The following CHRNA5 variants were observed in gnomAD, a reference collection of about 807,000 sequenced individuals.
CHRNA5 encodes neuronal acetylcholine receptor subunit alpha-5.
Under a neutral mutation model 41.2 loss-of-function variants are expected in CHRNA5, and 28 were observed. That is an observed-to-expected ratio of 0.68 (90% confidence interval 0.50 to 0.93). CHRNA5 has a LOEUF of 0.93. Ranked by LOEUF, CHRNA5 falls within the 40% of genes least tolerant of loss-of-function variation. The pLI is 0.00. For synonymous variants in CHRNA5, 188 were observed against 205.8 expected, an observed-to-expected ratio of 0.91 and a Z score of 0.74; for missense variants, 481 against 581.9, an observed-to-expected ratio of 0.83 and a Z score of 1.78.
At chr15:78,584,228 A>G (rs1036656440) in intron 2 of CHRNA5, among the ~76,000 whole-genome samples, 2 of 152,140 alleles carry the variant, frequency 1.3e-5, no homozygotes, top group Non-Finnish European at 2.9e-5. Context: ...CCGGAATCAT[A>G]TTTGGTGGAT....
At chr15:78,565,730 G>A in exon 1 of CHRNA5, 9 of 1,180,606 alleles carry the variant, frequency 7.6e-6, no homozygotes, top group Non-Finnish European at 9.4e-6. Context: ...ATGGCGGCGC[G>A]GGGGTCAGGG....
At chr15:78,577,764 C>G (rs987504925) in intron 1 of CHRNA5, among the ~76,000 whole-genome samples, 1 of 151,940 alleles carries the variant, frequency 6.6e-6, no homozygotes, top group African/African-American at 2.4e-5. Context: ...GAAACCCCAT[C>G]TCTACCAAAA....
Position 78,578,017 on chromosome 15 carries a change from AGAG to A in CHRNA5, c.107-2790_107-2788del, listed in dbSNP as rs765128322. On this transcript the variant is annotated intron_variant, in intron 1 of 5. Coordinates refer to ENST00000299565, the Ensembl canonical transcript of CHRNA5. ...TTTCAGGGACTATAGGAGGATTAGA[AGAG>A]GAGAAATGGTTCAATAATGCTATTT... Among the ~76,000 whole-genome samples, 191 of 152,262 alleles carry A rather than the reference AGAG, an allele frequency of 1.3e-3. 2 individuals carry two copies. The highest frequency in any genetic ancestry group is 1.8e-3 in the Non-Finnish European group (124 of 68,020).
chr15:78,592,975 A>G, intron 5 of CHRNA5, 117 bp from the exon 6 acceptor site: 1 of 1,242,472 alleles, frequency 8.0e-7, no homozygotes, highest in Non-Finnish European at 1.1e-6. Flanking sequence ...CTTACCGTTT[A>G]GAGGCAGCAA....
At chr15:78,581,651 A>T (rs7180002) in intron 2 of CHRNA5, among the ~76,000 whole-genome samples, 38,760 of 152,138 alleles carry the variant, frequency 0.25, 5,999 homozygotes, top group Middle Eastern at 0.41. Context: ...TACAGAAGCA[A>T]TGCGTGATTT....
intron 1 of CHRNA5, among the ~76,000 whole-genome samples, chr15:78,580,603 ATTGTAGT>A (rs1368156628): frequency 6.6e-6 from 1 of 151,658 alleles, no homozygotes; most frequent in Non-Finnish European, 1.5e-5. Context: ...AATAGCCTAA[ATTGTAGT>A]TTGGTTCATT....
exon 5 of CHRNA5, chr15:78,589,859 C>T (rs2052994455): frequency 1.9e-6 from 3 of 1,612,830 alleles, no homozygotes; most frequent in South Asian, 2.2e-5. Flanking sequence ...GGTACAATGG[C>T]ACTGTCACCT....
chr15:78,568,264 A>G (rs1360116732), intron 1 of CHRNA5, among the ~76,000 whole-genome samples: 1 of 152,174 alleles, frequency 6.6e-6, no homozygotes, highest in Non-Finnish European at 1.5e-5. Context: ...AGACAATTAA[A>G]GTATAATATA....
At chr15:78,594,573 G>T in exon 6 of CHRNA5, 1 of 152,404 alleles carries the variant, frequency 6.6e-6, no homozygotes. Flanking sequence ...AGCTACTCAA[G>T]AGGCTGAGGC....
Position 78,580,963 on chromosome 15 carries a change from G to A in CHRNA5, c.258+1G>A, listed in dbSNP as rs1211068988. The A allele has an allele frequency of 2.5e-6, 4 of 1,611,824 alleles. No individual in the cohort carries two copies. In the East Asian group the frequency reaches 6.7e-5, roughly 27 times the overall value. On this transcript the variant is annotated splice_donor_variant, in intron 2 of 5. Transcript: ENST00000299565. LOFTEE classifies it high-confidence loss of function. ...TGCAATATCTCAATTGGTGGATGTG[G>A]TAGGTGTGCATATCCTTCTATAGTC... is the stretch of plus-strand genomic sequence containing the variant.
intron 1 of CHRNA5, among the ~76,000 whole-genome samples, chr15:78,577,115 GCATT>G (rs931021812): frequency 2.6e-4 from 40 of 152,302 alleles, no homozygotes; most frequent in African/African-American, 8.2e-4. Context: ...CGGGGGTGTG[GCATT>G]CATTAAGTTA....
At chr15:78,568,199 C>T (rs931148898) in intron 1 of CHRNA5, among the ~76,000 whole-genome samples, 1 of 152,070 alleles carries the variant, frequency 6.6e-6, no homozygotes, top group Non-Finnish European at 1.5e-5. Flanking sequence ...TCTAGTCAGC[C>T]CGCAGCTATT....
At chr15:78,586,523 A>G in intron 2 of CHRNA5, 122 bp from the exon 3 acceptor site, 1 of 599,874 alleles carries the variant, frequency 1.7e-6, no homozygotes, top group South Asian at 2.6e-5. Flanking sequence ...AACCAGATTG[A>G]TGAATGAAAT....
exon 6 of CHRNA5, chr15:78,595,016 TCA>T (rs1176978127): frequency 6.6e-6 from 1 of 152,286 alleles, no homozygotes; most frequent in African/African-American, 2.4e-5. Flanking sequence ...GCTGTTGAGA[TCA>T]CAAACACCTC....
chr15:78,591,600 G>A (rs892368331), intron 5 of CHRNA5, among the ~76,000 whole-genome samples: 4 of 152,026 alleles, frequency 2.6e-5, no homozygotes, highest in Non-Finnish European at 4.4e-5. Flanking sequence ...GAATAAATCT[G>A]GCAAAATCAC....
chr15:78,578,491 AGT>A (rs2052879618), intron 1 of CHRNA5, among the ~76,000 whole-genome samples: 1 of 152,230 alleles, frequency 6.6e-6, no homozygotes, highest in African/African-American at 2.4e-5. Flanking sequence ...TGGGTGACAG[AGT>A]GAGACTCCGT....
chr15:78,585,062 G>C (rs2052946423), intron 2 of CHRNA5, among the ~76,000 whole-genome samples: 1 of 152,072 alleles, frequency 6.6e-6, no homozygotes, highest in Admixed American at 6.6e-5. Flanking sequence ...TGGGACTACA[G>C]GTGTGCCACC....
In CHRNA5 at chr15:78,586,634, A is replaced by G. The variant is rs1567060607; in HGVS notation, c.259-11A>G. The G allele has an allele frequency of 6.6e-7, 1 of 1,506,076 alleles. No individual in the cohort carries two copies. The highest frequency in any genetic ancestry group is 2.3e-5 in the East Asian group (1 of 44,156). The allele number at this position is 1,506,076 out of a possible 1,614,324, so 93.3% of individuals were successfully genotyped here. A position where few individuals can be genotyped will look rare whatever the true frequency, so the allele number is the denominator to read the frequency against. On this transcript the variant is annotated splice_polypyrimidine_tract_variant and intron_variant, in intron 2 of 5. Transcript: ENST00000299565. ...TGAAATCAATCTTATTTAAATTTTTATTTTTTAAAGGATGAGAAAAATCAG... is the reference window on the plus strand; with the variant it reads ...TGAAATCAATCTTATTTAAATTTTTGTTTTTTAAAGGATGAGAAAAATCAG...
chr15:78,593,001 G>T (rs372562923), intron 5 of CHRNA5, 91 bp from the exon 6 acceptor site: 3 of 1,483,840 alleles, frequency 2.0e-6, no homozygotes, highest in Admixed American at 2.1e-5. Context: ...GGCAGAAATC[G>T]ATTTGGCTTC....
Sources: allele counts gnomAD v4.1 joint callset (sites outside exome capture counted in the v4.1 genomes callset), GRCh38; gene constraint gnomAD v4.1.1; transcripts MANE v1.5; gene names NCBI Gene and HGNC (gene_info 2026-07-23, HGNC 2026-07-21).